Variants in CPXM2 observed in about 807,000 individuals in gnomAD.
CPXM2 encodes carboxypeptidase X, M14 family member 2.
Under a neutral mutation model 86.1 loss-of-function variants are expected in CPXM2, and 66 were observed. The observed-to-expected ratio is 0.77, with a 90% CI of 0.63 to 0.94. The LOEUF is 0.94. Ranked by LOEUF, CPXM2 falls within the 40% of genes least tolerant of loss-of-function variation. The probability of loss-of-function intolerance (pLI) is 0.00; values close to 1 mark genes in which losing one functional copy is unlikely to be tolerated. For missense variants in CPXM2, 948 were observed against 1,026.3 expected (o/e 0.92, Z 1.04); for synonymous variants, 388 against 400.2 (o/e 0.97, Z 0.36).
chr10:123,883,035 C>T (rs1228711907), intron 1 of CPXM2, among the ~76,000 whole-genome samples: 1 of 152,040 alleles, frequency 6.6e-6, no homozygotes, highest in East Asian at 1.9e-4. Context: ...GCAGACTCCA[C>T]ACCACGGCCC....
intron 2 of CPXM2, among the ~76,000 whole-genome samples, chr10:123,919,799 C>G (rs1945566459): frequency 6.6e-6 from 1 of 152,172 alleles, no homozygotes; most frequent in Non-Finnish European, 1.5e-5. Flanking sequence ...AGAAGGATGT[C>G]AGTGGTATCT....
In CPXM2 at chr10:123,755,953, G is replaced by C. The variant is rs532082160; in HGVS notation, c.1918-1191C>G. On this transcript the variant is annotated intron_variant, in intron 12 of 13. Transcript: ENST00000241305. ...TCCAGGGTGGGAACAGGAATTCCTTGAGTGAGAGGTTCCCCAAAGAAGGAA... is the reference window on the plus strand; with the variant it reads ...TCCAGGGTGGGAACAGGAATTCCTTCAGTGAGAGGTTCCCCAAAGAAGGAA... Among the ~76,000 whole-genome samples, 34 of 152,326 alleles carry C rather than the reference G, an allele frequency of 2.2e-4. 1 individual carries two copies. The highest frequency in any genetic ancestry group is 4.4e-5 in the Non-Finnish European group (3 of 68,026).
At position 123,842,344 on chromosome 10, in the gene CPXM2, C is replaced by G; in HGVS notation, c.653+5G>C. ...TCCAGAAAGCATATGTCCAGGTACA[C>G]TCACAGCCAGAGGGAGTTCCTCCCT... is the stretch of plus-strand genomic sequence containing the variant. On this transcript the variant is annotated splice_donor_5th_base_variant and intron_variant, in intron 4 of 13. Transcript: ENST00000241305. 1 of 1,614,254 alleles carries G rather than the reference C, an allele frequency of 6.2e-7. No homozygotes were observed. The highest frequency in any genetic ancestry group is 8.5e-7 in the Non-Finnish European group (1 of 1,180,052).
Position 123,913,979 on chromosome 10 carries a change from G to C in CPXM2, n.174+25498C>G, listed in dbSNP as rs1005282671. ...CTGATGGACCAGAGTGAGCACCAGA[G>C]TCAGGCCATTGCCAACCGCATTCCC... On this transcript the variant is annotated intron_variant and non_coding_transcript_variant, in intron 2 of 19. Transcript: ENST00000368854. The C allele has an allele frequency of 1.0e-5, 5 of 482,286 alleles. No individual in the cohort carries two copies. In the Admixed American group the frequency reaches 1.1e-4, roughly 10 times the overall value. The allele number at this position is 482,286 out of a possible 1,614,324, so 29.9% of individuals were successfully genotyped here.
intron 1 of CPXM2, among the ~76,000 whole-genome samples, chr10:123,890,604 A>C (rs950035526): frequency 2.0e-5 from 3 of 152,252 alleles, no homozygotes; most frequent in Non-Finnish European, 4.4e-5. Context: ...GAACATTTGG[A>C]ACTAGAGAAA....
chr10:123,915,990 G>A (rs189421420), intron 2 of CPXM2, among the ~76,000 whole-genome samples: 62 of 152,246 alleles, frequency 4.1e-4, no homozygotes, highest in Non-Finnish European at 7.4e-5. Context: ...TGCCCTCTGG[G>A]AAAACAGTCA....
chr10:123,772,495 T>C (rs1846666521), intron 7 of CPXM2, among the ~76,000 whole-genome samples: 1 of 151,470 alleles, frequency 6.6e-6, no homozygotes, highest in Non-Finnish European at 1.5e-5. Flanking sequence ...TGGTTGCAGT[T>C]ATCACTCCCC....
rs138907624 is a variant in CPXM2, at chr10:123,791,847, C to T, written c.889+6129G>A. On this transcript the variant is annotated intron_variant, in intron 6 of 13. Coordinates refer to ENST00000241305, the MANE Select transcript of CPXM2 (RefSeq NM_198148.3). ...CACTATTCAGCCTGGTGCAGTCAGTCGTGGCGAGCCCTGAACAAATGCCCA... is the reference window on the plus strand; with the variant it reads ...CACTATTCAGCCTGGTGCAGTCAGTTGTGGCGAGCCCTGAACAAATGCCCA... Among the ~76,000 whole-genome samples, 48 of 152,312 alleles carry T rather than the reference C, an allele frequency of 3.2e-4. 1 individual carries two copies. In the South Asian group the frequency reaches 5.0e-3, roughly 16 times the overall value.
At chr10:123,761,824 A>G in intron 11 of CPXM2, 48 bp downstream of exon 11, 1 of 1,560,832 alleles carries the variant, frequency 6.4e-7, no homozygotes, top group Non-Finnish European at 8.7e-7. Flanking sequence ...AGACCCCTGC[A>G]GCGTCCTCCT....
chr10:123,763,065 G>T (rs1846383371), intron 10 of CPXM2, among the ~76,000 whole-genome samples: 1 of 151,490 alleles, frequency 6.6e-6, no homozygotes, highest in Admixed American at 6.6e-5. Flanking sequence ...ATTTCACACG[G>T]AGTCTTGCTC....
intron 11 of CPXM2, among the ~76,000 whole-genome samples, chr10:123,760,593 A>T (rs1355070340): frequency 6.6e-6 from 1 of 152,232 alleles, no homozygotes; most frequent in Non-Finnish European, 1.5e-5. Flanking sequence ...ATTGATGCTT[A>T]TCAGTACAGT....
At chr10:123,926,706 G>T (rs1312339904) in intron 2 of CPXM2, among the ~76,000 whole-genome samples, 2 of 152,104 alleles carry the variant, frequency 1.3e-5, no homozygotes, top group African/African-American at 4.8e-5. Flanking sequence ...GAACATAAAC[G>T]TATGTCCAGA....
At chr10:123,873,199 T>C (rs937419967) in intron 2 of CPXM2, among the ~76,000 whole-genome samples, 4 of 147,140 alleles carry the variant, frequency 2.7e-5, no homozygotes, top group Admixed American at 2.1e-4. Flanking sequence ...GCAAGATTGC[T>C]GAATATAAAA....
At position 123,891,250 on chromosome 10, in the gene CPXM2, G is replaced by A; in HGVS notation, c.304+106C>T. ...CAGAGGCGGCAACAGGGAGATTCCC[G>A]GGACTGGCCCATCCCAGACACACAC... On this transcript the variant is annotated intron_variant, in intron 1 of 13. Transcript: ENST00000241305. This position sits in a 1 kb window ranked among gnomAD's most constrained non-coding sequence, Gnocchi z 5.6. The A allele has an allele frequency of 1.0e-6, 1 of 971,578 alleles. No individual in the cohort carries two copies. Among genetic ancestry groups the A allele is most frequent in the Non-Finnish European group, 1.5e-6 (1 of 681,284 alleles). 60.2% of individuals were successfully genotyped at this position (971,578 alleles called of 1,614,324 possible).
intron 4 of CPXM2, among the ~76,000 whole-genome samples, chr10:123,825,411 C>T (rs1332483139): frequency 2.0e-5 from 3 of 152,222 alleles, no homozygotes; most frequent in Non-Finnish European, 4.4e-5. Flanking sequence ...AGGAATACGG[C>T]ACAGACCTGA....
chr10:123,854,322 G>A (rs1324745534), intron 3 of CPXM2, among the ~76,000 whole-genome samples: 1 of 137,604 alleles, frequency 7.3e-6, no homozygotes, highest in African/African-American at 2.8e-5. Context: ...GGCAGGGGTG[G>A]CCCAAGAGCT....
chr10:123,803,969 A>C (rs1473218710), intron 4 of CPXM2, among the ~76,000 whole-genome samples: 1 of 152,214 alleles, frequency 6.6e-6, no homozygotes, highest in East Asian at 1.9e-4. Flanking sequence ...CCCAAGATAC[A>C]TGGTTTTCTA....
At chr10:123,892,893 C>T (rs1291003779), upstream of CPXM2, among the ~76,000 whole-genome samples, 3 of 152,224 alleles carry the variant, frequency 2.0e-5, no homozygotes, top group African/African-American at 7.2e-5. Flanking sequence ...AGGCCTCTCC[C>T]TGGTCCTCGC....
At chr10:123,765,206 G>A (rs897840828) in intron 10 of CPXM2, among the ~76,000 whole-genome samples, 7 of 152,108 alleles carry the variant, frequency 4.6e-5, no homozygotes, top group African/African-American at 1.7e-4. Context: ...TCTAATCATT[G>A]GTTATAGAAT....
Sources: allele counts gnomAD v4.1 joint callset (sites outside exome capture counted in the v4.1 genomes callset), GRCh38; gene constraint gnomAD v4.1.1; non-coding constraint Gnocchi (gnomAD v3.1); transcripts MANE v1.5; gene names NCBI Gene and HGNC (gene_info 2026-07-23, HGNC 2026-07-21).